KCNQ5: variants seen among roughly 807,000 people sequenced by gnomAD.
KCNQ5 encodes potassium voltage-gated channel subfamily KQT member 5.
KCNQ5 carries 30 observed loss-of-function variants against 98.2 expected under a neutral mutation model. That is an observed-to-expected ratio of 0.31 (90% CI 0.23 to 0.41). The LOEUF (loss-of-function observed/expected upper bound fraction) is 0.41. Ranked by LOEUF, KCNQ5 falls within the 10% of genes least tolerant of loss-of-function variation. KCNQ5 has a pLI of 1.00. For synonymous variants in KCNQ5, 458 were observed against 449.4 expected (o/e 1.02, Z -0.24); for missense variants, 835 against 1,182.5 (o/e 0.71, Z 4.31).
chr6:72,686,019 G>GTTT (rs1308742633), intron 1 of KCNQ5, among the ~76,000 whole-genome samples: 11 of 152,202 alleles, frequency 7.2e-5, no homozygotes, highest in Non-Finnish European at 1.5e-4. Flanking sequence ...TGTTTAGAGA[G>GTTT]AGAGCTGTGG....
rs1565046562 is a variant in KCNQ5, at chr6:72,635,663, G to A, written c.398+13076G>A. 1.6e-5 allele frequency among the ~76,000 whole-genome samples: 2 copies of A among 127,982 alleles called. 1 individual carries two copies. The highest frequency in any genetic ancestry group is 5.2e-4 in the South Asian group (2 of 3,874). The allele number at this position is 127,982 out of a possible 152,430, so 84.0% of individuals were successfully genotyped here. A position where few individuals can be genotyped will look rare whatever the true frequency, so the allele number is the denominator to read the frequency against. Reference sequence around the variant, plus strand: ...ATTGTATTTTTCTTCCAGTTAAATTGCTCCTAGTTTTTTTTTTTTTTTTTT... The same window carrying A: ...ATTGTATTTTTCTTCCAGTTAAATTACTCCTAGTTTTTTTTTTTTTTTTTT... On this transcript the variant is annotated intron_variant, in intron 1 of 13. Coordinates refer to ENST00000370398, the MANE Select transcript of KCNQ5 (RefSeq NM_019842.4).
At chr6:72,879,108 G>A (rs1310216232) in intron 1 of KCNQ5, among the ~76,000 whole-genome samples, 1 of 152,016 alleles carries the variant, frequency 6.6e-6, no homozygotes, top group African/African-American at 2.4e-5. Context: ...ATCACTATCT[G>A]CCAGTTTCTC....
At chr6:73,193,625 TC>T (rs1234843501) in intron 13 of KCNQ5, among the ~76,000 whole-genome samples, 5 of 151,582 alleles carry the variant, frequency 3.3e-5, no homozygotes, top group Non-Finnish European at 7.4e-5. Flanking sequence ...ATCAAATGGC[TC>T]CCCCAATTTA....
intron 1 of KCNQ5, among the ~76,000 whole-genome samples, chr6:72,901,617 C>A (rs547122638): frequency 3.9e-5 from 6 of 152,208 alleles, no homozygotes; most frequent in African/African-American, 1.4e-4. Flanking sequence ...CCTTTCCCCA[C>A]TTTATGTTTT....
intron 10 of KCNQ5, among the ~76,000 whole-genome samples, chr6:73,149,792 GAAA>G (rs57061336): frequency 0.018 from 1,732 of 97,992 alleles, 90 homozygotes; most frequent in Admixed American, 0.12. Flanking sequence ...GGGAGACTCC[GAAA>G]AAAAAAAAAA....
chr6:72,719,639 G>A (rs761746681), intron 1 of KCNQ5, among the ~76,000 whole-genome samples: 11 of 152,140 alleles, frequency 7.2e-5, no homozygotes, highest in Non-Finnish European at 1.0e-4. Context: ...TCTCTGTGAA[G>A]GTGGCACCTA....
In KCNQ5 at chr6:73,085,664, A is replaced by G. The variant is rs148651783; in HGVS notation, c.918+7777A>G. Among the ~76,000 whole-genome samples, 309 of 152,204 alleles carry G rather than the reference A, an allele frequency of 2.0e-3. 2 individuals carry two copies. Among genetic ancestry groups the G allele is most frequent in the East Asian group, 0.016 (84 of 5,180 alleles). On this transcript the variant is annotated intron_variant, in intron 5 of 13. Transcript: ENST00000370398. ...CTGTTCTCAGATTTCACAACCTTCT[A>G]TTCTCCCCCGCAAACCACCCCTGTA...
chr6:72,631,918 A>G (rs555334921), intron 1 of KCNQ5, among the ~76,000 whole-genome samples: 2 of 152,156 alleles, frequency 1.3e-5, no homozygotes, highest in Non-Finnish European at 2.9e-5. Flanking sequence ...CCTCCGAATA[A>G]CCCTAATAAG....
chr6:72,834,181 G>T (rs1260717250), intron 1 of KCNQ5, among the ~76,000 whole-genome samples: 1 of 151,950 alleles, frequency 6.6e-6, no homozygotes, highest in Admixed American at 6.6e-5. Flanking sequence ...ATGAGTGTTT[G>T]TTATATTATT....
At chr6:73,169,034 G>A (rs1777905866) in intron 10 of KCNQ5, among the ~76,000 whole-genome samples, 1 of 152,110 alleles carries the variant, frequency 6.6e-6, no homozygotes, top group Non-Finnish European at 1.5e-5. Context: ...TTTTGTTACT[G>A]AAAACAGAAA....
At chr6:72,888,812 T>A (rs1778947669) in intron 1 of KCNQ5, among the ~76,000 whole-genome samples, 1 of 152,188 alleles carries the variant, frequency 6.6e-6, no homozygotes, top group Non-Finnish European at 1.5e-5. Context: ...TCATTCACAT[T>A]TTTTAATTCA....
At chr6:72,660,784 A>G (rs1766478802) in intron 1 of KCNQ5, among the ~76,000 whole-genome samples, 1 of 152,222 alleles carries the variant, frequency 6.6e-6, no homozygotes, top group Non-Finnish European at 1.5e-5. Flanking sequence ...AATTGCATTA[A>G]TAAATTCTGT....
intron 10 of KCNQ5, chr6:73,134,913 C>G (rs573893601): frequency 2.6e-5 from 4 of 152,290 alleles, no homozygotes; most frequent in Admixed American, 6.5e-5. Context: ...TTTCCTCACT[C>G]TCCTCCTAGG....
chr6:73,064,646 A>G (rs995039423), intron 3 of KCNQ5, among the ~76,000 whole-genome samples: 1 of 152,162 alleles, frequency 6.6e-6, no homozygotes, highest in African/African-American at 2.4e-5. Context: ...TAAACATCTG[A>G]TGGTATCAAC....
intron 1 of KCNQ5, among the ~76,000 whole-genome samples, chr6:72,734,324 G>A (rs1582191014): frequency 1.5e-5 from 1 of 66,844 alleles, no homozygotes; most frequent in Non-Finnish European, 2.3e-5. Flanking sequence ...TTGTTTGTTT[G>A]TTTGTTTGTT....
chr6:72,778,235 A>G (rs1773261832), intron 1 of KCNQ5, among the ~76,000 whole-genome samples: 1 of 152,238 alleles, frequency 6.6e-6, no homozygotes, highest in South Asian at 2.1e-4. Flanking sequence ...CTACAGTAAC[A>G]TAAGCATGTA....
chr6:72,949,576 T>C (rs1274079732), intron 1 of KCNQ5, among the ~76,000 whole-genome samples: 1 of 152,244 alleles, frequency 6.6e-6, no homozygotes, highest in African/African-American at 2.4e-5. Flanking sequence ...TTTAACTACG[T>C]GAGTATAGCT....
chr6:72,832,612 A>T (rs2150125405), intron 1 of KCNQ5, among the ~76,000 whole-genome samples: 1 of 152,194 alleles, frequency 6.6e-6, no homozygotes, highest in South Asian at 2.1e-4. Flanking sequence ...ACTGTCTCCT[A>T]AATTTGGTTA....
intron 1 of KCNQ5, among the ~76,000 whole-genome samples, chr6:72,632,193 G>A (rs1307264784): frequency 7.2e-6 from 1 of 138,620 alleles, no homozygotes; most frequent in Non-Finnish European, 1.5e-5. Flanking sequence ...GCTGGAGTTC[G>A]GTGGCGCGAT....
Sources: gnomAD v4.1 joint callset for allele counts (sites outside exome capture counted in the v4.1 genomes callset) on GRCh38, gnomAD v4.1.1 for gene constraint, MANE v1.5 for transcripts, NCBI Gene and HGNC (gene_info 2026-07-23, HGNC 2026-07-21) for gene names.